Variants in EVL observed in about 807,000 individuals in gnomAD.
EVL encodes the protein Enah/Vasp-like, also known as ena/VASP-like protein.
Under a neutral mutation model 59.6 loss-of-function variants are expected in EVL, and 21 were observed. The observed-to-expected ratio is 0.35, with a 90% CI of 0.25 to 0.51. The LOEUF is 0.51. Ranked by LOEUF, EVL falls within the 20% of genes least tolerant of loss-of-function variation. The probability of loss-of-function intolerance (pLI) is 0.97; values close to 1 mark genes in which losing one functional copy is unlikely to be tolerated. For synonymous variants in EVL, 198 were observed against 203.5 expected (o/e 0.97, Z 0.23); for missense variants, 462 against 546.6 (o/e 0.85, Z 1.54).
chr14:99,976,180 T>TTTATTTATTTA (rs532312022), intron 1 of EVL, among the ~76,000 whole-genome samples: 1 of 145,744 alleles, frequency 6.9e-6, no homozygotes, highest in African/African-American at 2.6e-5. Context: ...CATGGCCAGC[T>TTTATTTATTTA]TTTATTTATT....
chr14:100,096,059 C>CTG (rs989686858), intron 2 of EVL, among the ~76,000 whole-genome samples: 5 of 152,060 alleles, frequency 3.3e-5, no homozygotes, highest in Admixed American at 1.3e-4. Flanking sequence ...ATTTAGTGTA[C>CTG]TGTGTGTGTG....
intron 2 of EVL, among the ~76,000 whole-genome samples, chr14:100,091,660 C>T (rs544156598): frequency 6.6e-6 from 1 of 152,092 alleles, no homozygotes. Context: ...TTAAGAAACC[C>T]GTAAACCTAG....
At chr14:100,020,996 G>A (rs1315803535) in intron 1 of EVL, among the ~76,000 whole-genome samples, 1 of 152,220 alleles carries the variant, frequency 6.6e-6, no homozygotes. Flanking sequence ...TTTATATAAT[G>A]TCTGGCGTGT....
chr14:100,112,223 A>T (rs954026711), intron 3 of EVL, among the ~76,000 whole-genome samples: 8 of 152,184 alleles, frequency 5.3e-5, no homozygotes, highest in Non-Finnish European at 8.8e-5. Context: ...CTTGAGATAC[A>T]GTTTCCAGTT....
chr14:100,132,861 G>A, intron 8 of EVL, 82 bp downstream of exon 8: 1 of 1,512,792 alleles, frequency 6.6e-7, no homozygotes, highest in South Asian at 1.1e-5. Context: ...CTCAGGCGAG[G>A]CCTTTGGGAC....
At chr14:100,074,454 C>T (rs1330554694) in intron 1 of EVL, 1 of 152,162 alleles carries the variant, frequency 6.6e-6, no homozygotes, top group African/African-American at 2.4e-5. Context: ...ATTTGATCTC[C>T]AGCAAAGGTA....
exon 1 of EVL, chr14:99,971,918 C>G (rs1258415927): frequency 2.0e-5 from 3 of 147,308 alleles, no homozygotes; most frequent in Non-Finnish European, 3.0e-5. Flanking sequence ...CCGCTGCCCC[C>G]CGCAGCCCAG....
Position 99,999,142 on chromosome 14 carries a change from AC to A in EVL, c.5+27086del, listed in dbSNP as rs375805117. On this transcript the variant is annotated intron_variant, in intron 1 of 13. Transcript: ENST00000402714. Reference sequence around the variant, plus strand: ...AAGGGCTATATTTCTAGTGACTGGTACTCTGTTGTGTCTACCATACATTATT... The same window carrying A: ...AAGGGCTATATTTCTAGTGACTGGTATCTGTTGTGTCTACCATACATTATT... Among the ~76,000 whole-genome samples the A allele has an allele frequency of 1.0e-3, 154 of 152,140 alleles. 2 individuals carry two copies. Among genetic ancestry groups the A allele is most frequent in the African/African-American group, 3.4e-3 (142 of 41,516 alleles).
intron 3 of EVL, among the ~76,000 whole-genome samples, chr14:100,120,938 G>A (rs936260327): frequency 4.6e-5 from 7 of 152,178 alleles, no homozygotes; most frequent in African/African-American, 9.7e-5. Context: ...ACAAGACTCC[G>A]TTACCTAACG....
chr14:100,090,544 T>C (rs972794572), intron 2 of EVL, among the ~76,000 whole-genome samples: 10 of 152,182 alleles, frequency 6.6e-5, no homozygotes, highest in African/African-American at 2.4e-4. Context: ...AATAATGCAG[T>C]AAGTAAGCCT....
At chr14:99,998,491 A>G (rs1047741540) in intron 1 of EVL, among the ~76,000 whole-genome samples, 4 of 152,130 alleles carry the variant, frequency 2.6e-5, no homozygotes, top group Admixed American at 2.6e-4. Flanking sequence ...GTATGCTGGG[A>G]GGAGATACAT....
rs1259965496 is a variant in EVL at position 100,130,379 on chromosome 14, C to T, written c.839+695C>T. Reference sequence around the variant, plus strand: ...GCTTGGATTTTATTTTTAAATATGACTTGGCATCAGGAATGTGCTCACCTT... The same window carrying T: ...GCTTGGATTTTATTTTTAAATATGATTTGGCATCAGGAATGTGCTCACCTT... On this transcript the variant is annotated intron_variant, in intron 7 of 13. Transcript: ENST00000392920. This position sits in a 1 kb window ranked among gnomAD's most constrained non-coding sequence, Gnocchi z 4.8. Among the ~76,000 whole-genome samples the T allele has an allele frequency of 1.3e-5, 2 of 152,202 alleles. No homozygotes were observed. The highest frequency in any genetic ancestry group is 6.5e-5 in the Admixed American group (1 of 15,284).
At chr14:100,121,452 A>G (rs1038989056) in intron 3 of EVL, among the ~76,000 whole-genome samples, 5 of 152,240 alleles carry the variant, frequency 3.3e-5, no homozygotes, top group African/African-American at 1.2e-4. Flanking sequence ...CTGTACTTTT[A>G]TAATGTTCAG....
At chr14:100,020,475 GTGCA>G (rs2061103388) in intron 1 of EVL, among the ~76,000 whole-genome samples, 1 of 151,644 alleles carries the variant, frequency 6.6e-6, no homozygotes, top group Non-Finnish European at 1.5e-5. Context: ...GTGTGTGTGT[GTGCA>G]CGCACACACA....
At chr14:100,103,773 T>C (rs754882588) in intron 3 of EVL, among the ~76,000 whole-genome samples, 5 of 152,154 alleles carry the variant, frequency 3.3e-5, no homozygotes, top group African/African-American at 1.2e-4. Flanking sequence ...TGGATCCCCA[T>C]TGGATCCCAG....
chr14:100,086,392 G>A (rs1438722614), intron 2 of EVL, among the ~76,000 whole-genome samples: 1 of 152,242 alleles, frequency 6.6e-6, no homozygotes, highest in South Asian at 2.1e-4. Context: ...GTTGGGGCTT[G>A]TGAGGGCAAT....
chr14:100,098,396 G>C (rs986614789), intron 3 of EVL, among the ~76,000 whole-genome samples: 6 of 152,120 alleles, frequency 3.9e-5, no homozygotes, highest in African/African-American at 1.4e-4. Context: ...GGAAGAGGGC[G>C]ATGCAGCATT....
intron 1 of EVL, among the ~76,000 whole-genome samples, chr14:100,031,604 G>T (rs997862380): frequency 2.0e-5 from 3 of 152,250 alleles, no homozygotes; most frequent in Admixed American, 2.0e-4. Context: ...ATGCTGGTTC[G>T]TGGTCTTTCC....
intron 1 of EVL, among the ~76,000 whole-genome samples, chr14:99,980,734 T>A (rs2060800781): frequency 6.6e-6 from 1 of 152,246 alleles, no homozygotes; most frequent in Non-Finnish European, 1.5e-5. Flanking sequence ...TGTGTATCTT[T>A]CCAGGCTCTC....
Sources: allele counts gnomAD v4.1 joint callset (sites outside exome capture counted in the v4.1 genomes callset), GRCh38; gene constraint gnomAD v4.1.1; non-coding constraint Gnocchi (gnomAD v3.1); transcripts MANE v1.5; gene names NCBI Gene and HGNC (gene_info 2026-07-23, HGNC 2026-07-21).